PTPRO: variants seen among roughly 807,000 people sequenced by gnomAD.
PTPRO encodes the protein protein tyrosine phosphatase receptor type O, also known as receptor-type tyrosine-protein phosphatase O.
A neutral mutation model predicts 145.2 loss-of-function variants in PTPRO; 62 were observed. The observed-to-expected ratio is 0.43, with a 90% CI of 0.35 to 0.53. PTPRO has a LOEUF of 0.53. PTPRO is among the 20% of genes least tolerant of loss of function. The probability of loss-of-function intolerance (pLI) is 0.01; values close to 1 mark genes in which losing one functional copy is unlikely to be tolerated. For missense variants in PTPRO, 1,345 were observed against 1,482.7 expected, an observed-to-expected ratio of 0.91 and a Z score of 1.53; for synonymous variants, 565 against 514.7, an observed-to-expected ratio of 1.10 and a Z score of -1.32.
intron 1 of PTPRO, among the ~76,000 whole-genome samples, chr12:15,354,123 A>T (rs1198306536): frequency 6.6e-6 from 1 of 152,118 alleles, no homozygotes; most frequent in Non-Finnish European, 1.5e-5. Flanking sequence ...TTTTTTTTTA[A>T]AAAAGGGCAT....
chr12:15,557,420 G>A (rs575879871), intron 15 of PTPRO, 35 bp from the exon 16 acceptor site: 86 of 1,565,348 alleles, frequency 5.5e-5, no homozygotes, highest in Non-Finnish European at 7.1e-5. Flanking sequence ...GCTTTGTCAA[G>A]CAGTAACCTT....
intron 1 of PTPRO, among the ~76,000 whole-genome samples, chr12:15,393,986 A>C (rs139556923): frequency 1.3e-5 from 2 of 152,296 alleles, no homozygotes; most frequent in African/African-American, 4.8e-5. Context: ...TTTTTATAAC[A>C]GATCCGCTCT....
At chr12:15,381,018 A>G (rs914781713) in intron 1 of PTPRO, among the ~76,000 whole-genome samples, 30 of 152,204 alleles carry the variant, frequency 2.0e-4, no homozygotes, top group African/African-American at 7.2e-4. Flanking sequence ...TAAAGTTCTT[A>G]CAATATAATA....
chr12:15,541,810 G>T (rs113199151), intron 12 of PTPRO, among the ~76,000 whole-genome samples: 1 of 152,216 alleles, frequency 6.6e-6, no homozygotes, highest in African/African-American at 2.4e-5. Flanking sequence ...TGAGGAGTTC[G>T]ATACCAGCCT....
intron 1 of PTPRO, among the ~76,000 whole-genome samples, chr12:15,474,828 A>T (rs149724051): frequency 6.6e-6 from 1 of 152,334 alleles, no homozygotes; most frequent in African/African-American, 2.4e-5. Flanking sequence ...TCTCCTGAAC[A>T]TAGATTCCAG....
At chr12:15,588,069 G>A (rs1396328225) in intron 24 of PTPRO, among the ~76,000 whole-genome samples, 1 of 152,220 alleles carries the variant, frequency 6.6e-6, no homozygotes, top group Non-Finnish European at 1.5e-5. Context: ...GTTAAAAGAT[G>A]TGCTTTAGCA....
At chr12:15,459,168 AT>A (rs1941246746) in intron 1 of PTPRO, among the ~76,000 whole-genome samples, 1 of 152,208 alleles carries the variant, frequency 6.6e-6, no homozygotes, top group Non-Finnish European at 1.5e-5. Flanking sequence ...AACGTTAAAT[AT>A]GTGATCCAAC....
chr12:15,354,498 A>G (rs1279271319), intron 1 of PTPRO, among the ~76,000 whole-genome samples: 1 of 152,164 alleles, frequency 6.6e-6, no homozygotes, highest in Non-Finnish European at 1.5e-5. Flanking sequence ...AAATCCATCT[A>G]TAGTTTTCTC....
intron 1 of PTPRO, among the ~76,000 whole-genome samples, chr12:15,429,810 G>A (rs1431783015): frequency 1.3e-5 from 2 of 152,096 alleles, no homozygotes; most frequent in Non-Finnish European, 2.9e-5. Context: ...CAGGCAAGGT[G>A]GGAGAGAGAG....
chr12:15,380,455 T>A (rs1437750039), intron 1 of PTPRO, among the ~76,000 whole-genome samples: 3 of 151,994 alleles, frequency 2.0e-5, no homozygotes, highest in Non-Finnish European at 2.9e-5. Context: ...GAGAGAGAAG[T>A]CAGATGAACA....
chr12:15,559,066 A>T (rs1011933225), intron 16 of PTPRO, among the ~76,000 whole-genome samples: 1 of 152,194 alleles, frequency 6.6e-6, no homozygotes, highest in Non-Finnish European at 1.5e-5. Context: ...GGGAGGCCCA[A>T]TGGGAGATCA....
At chr12:15,356,355 G>A (rs1171285413) in intron 1 of PTPRO, among the ~76,000 whole-genome samples, 1 of 152,048 alleles carries the variant, frequency 6.6e-6, no homozygotes, top group Non-Finnish European at 1.5e-5. Context: ...TCTCCATTCT[G>A]TGCAAAGAAG....
intron 12 of PTPRO, among the ~76,000 whole-genome samples, chr12:15,530,518 T>A (rs1208425207): frequency 1.3e-5 from 2 of 152,120 alleles, no homozygotes; most frequent in African/African-American, 2.4e-5. Flanking sequence ...ACATATCATA[T>A]CAAGTATCTT....
intron 1 of PTPRO, among the ~76,000 whole-genome samples, chr12:15,468,365 C>T (rs1371625077): frequency 6.6e-6 from 1 of 152,188 alleles, no homozygotes; most frequent in Non-Finnish European, 1.5e-5. Flanking sequence ...AAGCCTCTAA[C>T]TTTTTTAGAA....
intron 1 of PTPRO, chr12:15,440,121 G>A: frequency 1.6e-6 from 1 of 643,324 alleles, no homozygotes; most frequent in African/African-American, 1.8e-5. Flanking sequence ...CCTGAGTCCA[G>A]GAACATTGGC....
At chr12:15,482,476 A>C (rs1193112238) in intron 1 of PTPRO, among the ~76,000 whole-genome samples, 1 of 152,092 alleles carries the variant, frequency 6.6e-6, no homozygotes, top group African/African-American at 2.4e-5. Context: ...TAGGGGGACT[A>C]TATTGACACT....
chr12:15,573,851 C>A lies in PTPRO; in HGVS notation c.2829+4353C>A, dbSNP rs1188273943. On this transcript the variant is annotated intron_variant, in intron 19 of 26. Coordinates refer to ENST00000281171, the MANE Select transcript of PTPRO (RefSeq NM_030667.3). ...GCCTGATTTCAGGATGTATGCTGGA[C>A]CTTTCACATGGCAGCCCTCACATTT... Among the ~76,000 whole-genome samples the A allele has an allele frequency of 2.6e-5, 4 of 152,150 alleles. 1 individual carries two copies. Among genetic ancestry groups the A allele is most frequent in the Admixed American group, 2.0e-4 (3 of 15,266 alleles).
intron 22 of PTPRO, 27 bp from the exon 23 acceptor site, chr12:15,581,652 T>TA (rs754754430): frequency 5.0e-6 from 8 of 1,612,430 alleles, no homozygotes; most frequent in Middle Eastern, 1.6e-4. Context: ...CTGTTTGTTT[T>TA]AAAAAATTGT....
chr12:15,336,317 A>G (rs1030289127), intron 1 of PTPRO, among the ~76,000 whole-genome samples: 17 of 151,960 alleles, frequency 1.1e-4, no homozygotes, highest in African/African-American at 3.4e-4. Context: ...AGACCTGAAC[A>G]TTTTCACTCT....
Sources: allele counts gnomAD v4.1 joint callset (sites outside exome capture counted in the v4.1 genomes callset), GRCh38; gene constraint gnomAD v4.1.1; transcripts MANE v1.5; gene names NCBI Gene and HGNC (gene_info 2026-07-23, HGNC 2026-07-21).